The following CUEDC1 variants were observed in gnomAD, a reference collection of about 807,000 sequenced individuals.
CUEDC1 encodes the protein CUE domain-containing protein 1.
In CUEDC1, 30 loss-of-function variants were observed where a neutral mutation model predicts 43.7. The ratio of observed to expected loss-of-function variants is 0.69; its 90% confidence interval spans 0.51 to 0.93. The LOEUF (loss-of-function observed/expected upper bound fraction) is 0.93, where lower values mean the gene tolerates loss of function less well. CUEDC1 is among the 40% of genes least tolerant of loss of function. The pLI, the probability that CUEDC1 is intolerant of heterozygous loss-of-function variation, is 0.00. For synonymous variants in CUEDC1, 223 were observed against 223.6 expected (o/e 1.00, Z 0.02); for missense variants, 486 against 549.0 (o/e 0.89, Z 1.15).
At chr17:57,878,063 G>C (rs9900385) in intron 3 of CUEDC1, among the ~76,000 whole-genome samples, 78,635 of 151,596 alleles carry the variant, frequency 0.52, 22,237 homozygotes, top group African/African-American at 0.74. Context: ...TCCCAGCTCT[G>C]TTCCTGTCCC....
At chr17:57,953,281 C>G (rs1434019101) in intron 1 of CUEDC1, among the ~76,000 whole-genome samples, 5 of 152,182 alleles carry the variant, frequency 3.3e-5, no homozygotes, top group Non-Finnish European at 7.4e-5. Flanking sequence ...TAGTCCAGTG[C>G]CCAGGGCCTT....
intron 1 of CUEDC1, among the ~76,000 whole-genome samples, chr17:57,926,371 G>C (rs1215024146): frequency 6.6e-6 from 1 of 152,146 alleles, no homozygotes; most frequent in Non-Finnish European, 1.5e-5. Context: ...CTAGCAGTCA[G>C]ACTAGCCGGA....
chr17:57,881,489 A>G (rs2074203306), intron 2 of CUEDC1, among the ~76,000 whole-genome samples: 1 of 152,218 alleles, frequency 6.6e-6, no homozygotes. Context: ...TACCTGGTGC[A>G]TTCTGAGAAC....
chr17:57,876,324 GC>G (rs1359419750), intron 3 of CUEDC1, among the ~76,000 whole-genome samples: 1 of 152,118 alleles, frequency 6.6e-6, no homozygotes, highest in African/African-American at 2.4e-5. Context: ...CTGCCTCCAG[GC>G]CTCTGCAAGT....
At chr17:57,876,274 G>A (rs1350835274) in intron 3 of CUEDC1, among the ~76,000 whole-genome samples, 3 of 152,146 alleles carry the variant, frequency 2.0e-5, no homozygotes, top group Non-Finnish European at 2.9e-5. Context: ...CTCACCCGCC[G>A]TTAGGTACTT....
At chr17:57,887,655 C>CTTTTTTTTTTTTTT (rs3085786) in intron 1 of CUEDC1, among the ~76,000 whole-genome samples, 20 of 58,032 alleles carry the variant, frequency 3.4e-4, no homozygotes, top group Non-Finnish European at 4.1e-4. Context: ...CCACGCCTGG[C>CTTTTTTTTTTTTTT]TTTTTTTTTT....
At chr17:57,925,063 T>A (rs1038435287) in intron 1 of CUEDC1, among the ~76,000 whole-genome samples, 2 of 151,216 alleles carry the variant, frequency 1.3e-5, no homozygotes, top group African/African-American at 4.9e-5. Flanking sequence ...AAAAGCTAGA[T>A]TCAAAGGTAT....
intron 5 of CUEDC1, among the ~76,000 whole-genome samples, chr17:57,871,942 C>T (rs779974847): frequency 1.2e-4 from 19 of 152,160 alleles, no homozygotes; most frequent in East Asian, 1.9e-4. Context: ...AAAAAATAAA[C>T]GGAAAAGCCT....
chr17:57,939,985 T>G (rs2074902481), intron 1 of CUEDC1, among the ~76,000 whole-genome samples: 1 of 149,788 alleles, frequency 6.7e-6, no homozygotes. Context: ...CTCCTTTGAG[T>G]CTTCAATTCC....
Position 57,905,075 on chromosome 17 carries a change from G to C in CUEDC1, c.-315-19196C>G, listed in dbSNP as rs561199131. The stretch of plus-strand genomic sequence containing the variant: ...TCTGCAGAAAAAGGTGCTGGAGAAA[G>C]ACCGGCTGGTCCCTGGCTTTACAGG... On this transcript the variant is annotated intron_variant, in intron 1 of 10. Coordinates refer to ENST00000577830, the MANE Select transcript of CUEDC1 (RefSeq NM_001271875.2). Among the ~76,000 whole-genome samples the C allele has an allele frequency of 2.0e-5, 3 of 152,244 alleles. No individual in the cohort carries two copies. The South Asian group carries it at 6.2e-4, about 32-fold the overall frequency.
At chr17:57,887,653 G>A (rs1444479150) in intron 1 of CUEDC1, among the ~76,000 whole-genome samples, 3 of 23,750 alleles carry the variant, frequency 1.3e-4, no homozygotes, top group Non-Finnish European at 2.6e-4. Flanking sequence ...CACCACGCCT[G>A]GCTTTTTTTT....
Position 57,872,792 on chromosome 17 carries a change from C to G in CUEDC1, c.655G>C (p.Gly219Arg). 2 of 1,614,222 alleles carry G rather than the reference C, an allele frequency of 1.2e-6. No individual in the cohort carries two copies. Among genetic ancestry groups the G allele is most frequent in the Non-Finnish European group, 1.7e-6 (2 of 1,180,034 alleles). Residue 219 changes from glycine (G) to arginine (R), a missense_variant, in exon 5 of 11, where the codon GGG (glycine) becomes CGG (arginine). Coordinates refer to ENST00000577830, the MANE Select transcript of CUEDC1 (RefSeq NM_001271875.2). Reference sequence around the variant, plus strand: ...CAGCGGCTCTCCTGGTCTCCGGGCCCTGGCCCAGCCATGGCAGGTGGACAT... The same window carrying G: ...CAGCGGCTCTCCTGGTCTCCGGGCCGTGGCCCAGCCATGGCAGGTGGACAT... ...EGCPPAMAGPGPGDQESRWKQ... is the reference protein window; with the variant it reads ...EGCPPAMAGPRPGDQESRWKQ...
intron 1 of CUEDC1, among the ~76,000 whole-genome samples, chr17:57,945,816 T>A (rs2074955399): frequency 1.3e-5 from 2 of 151,970 alleles, no homozygotes; most frequent in Non-Finnish European, 2.9e-5. Flanking sequence ...GGTCAGGAGT[T>A]CAAGACCAGC....
chr17:57,878,441 T>C (rs2074157480), intron 3 of CUEDC1, among the ~76,000 whole-genome samples: 1 of 152,092 alleles, frequency 6.6e-6, no homozygotes, highest in Non-Finnish European at 1.5e-5. Context: ...GGGGCTGTTC[T>C]GGGGAGAAGG....
chr17:57,873,857 C>CCGT (rs1286958708), intron 3 of CUEDC1, 140 bp from the exon 4 acceptor site: 2 of 845,048 alleles, frequency 2.4e-6, no homozygotes, highest in Admixed American at 7.2e-5. Flanking sequence ...GAACAAAGGC[C>CCGT]CGTCACTCTG....
At chr17:57,918,412 C>T (rs2074665144) in intron 1 of CUEDC1, among the ~76,000 whole-genome samples, 1 of 152,190 alleles carries the variant, frequency 6.6e-6, no homozygotes, top group African/African-American at 2.4e-5. Context: ...ACCCTGGTAT[C>T]CCGCCCTGGG....
chr17:57,925,166 C>A (rs779188609), intron 1 of CUEDC1, among the ~76,000 whole-genome samples: 6 of 151,422 alleles, frequency 4.0e-5, no homozygotes, highest in Middle Eastern at 3.2e-3. Context: ...TGTTTTCAGC[C>A]GTAGTACTGA....
At chr17:57,923,746 T>C (rs573801498) in intron 1 of CUEDC1, among the ~76,000 whole-genome samples, 1 of 152,270 alleles carries the variant, frequency 6.6e-6, no homozygotes, top group South Asian at 2.1e-4. Flanking sequence ...GGCTTTGAGG[T>C]TGGTGCATTT....
intron 1 of CUEDC1, among the ~76,000 whole-genome samples, chr17:57,942,544 A>T (rs2074926100): frequency 6.6e-6 from 1 of 151,622 alleles, no homozygotes; most frequent in South Asian, 2.1e-4. Flanking sequence ...ATGCACCACC[A>T]CACCCAGCTA....
Sources: gnomAD v4.1 joint callset for allele counts (sites outside exome capture counted in the v4.1 genomes callset) on GRCh38, gnomAD v4.1.1 for gene constraint, MANE v1.5 for transcripts, NCBI Gene and HGNC (gene_info 2026-07-23, HGNC 2026-07-21) for gene names.